The following ZBTB40 variants were observed in gnomAD, a reference collection of about 807,000 sequenced individuals.
The protein encoded by ZBTB40 is zinc finger and BTB domain containing 40.
Under a neutral mutation model 117.5 loss-of-function variants are expected in ZBTB40, and 60 were observed. The ratio of observed to expected loss-of-function variants is 0.51; its 90% confidence interval spans 0.41 to 0.63. The LOEUF (loss-of-function observed/expected upper bound fraction) is 0.63, where lower values mean the gene tolerates loss of function less well. Ranked by LOEUF, ZBTB40 falls within the 30% of genes least tolerant of loss-of-function variation. The pLI is 0.00. For synonymous variants in ZBTB40, 525 were observed against 577.1 expected, an observed-to-expected ratio of 0.91 and a Z score of 1.29; for missense variants, 1,287 against 1,498.5, an observed-to-expected ratio of 0.86 and a Z score of 2.33.
intron 1 of ZBTB40, among the ~76,000 whole-genome samples, chr1:22,457,118 G>A (rs1641021651): frequency 2.9e-5 from 2 of 69,888 alleles, no homozygotes; most frequent in South Asian, 7.3e-4. Context: ...TTGAGACCCT[G>A]TCTCTATTTT....
At chr1:22,444,431 A>G (rs1332854199) in intron 1 of ZBTB40, among the ~76,000 whole-genome samples, 2 of 152,060 alleles carry the variant, frequency 1.3e-5, no homozygotes, top group African/African-American at 4.8e-5. Flanking sequence ...AAATAAAATA[A>G]TAATTGGTCA....
At chr1:22,486,077 A>G (rs2124424473) in intron 1 of ZBTB40, among the ~76,000 whole-genome samples, 1 of 151,824 alleles carries the variant, frequency 6.6e-6, no homozygotes, top group South Asian at 2.1e-4. Flanking sequence ...GTCTCTCCAA[A>G]CTGTTTTTGG....
intron 1 of ZBTB40, among the ~76,000 whole-genome samples, chr1:22,472,228 G>T (rs1003695019): frequency 2.6e-5 from 4 of 151,548 alleles, no homozygotes; most frequent in African/African-American, 7.3e-5. Flanking sequence ...CCAGGCTGGA[G>T]TCTGGAGTAC....
chr1:22,433,383 A>C (rs1192643267), intron 1 of ZBTB40, among the ~76,000 whole-genome samples: 3 of 135,912 alleles, frequency 2.2e-5, no homozygotes, highest in Non-Finnish European at 4.7e-5. Context: ...CAGTGAGCCA[A>C]TATCGCACCA....
At chr1:22,437,454 T>C (rs909562016) in intron 1 of ZBTB40, among the ~76,000 whole-genome samples, 1 of 150,636 alleles carries the variant, frequency 6.6e-6, no homozygotes, top group Non-Finnish European at 1.5e-5. Context: ...GGAGTCTCAC[T>C]CTGTTGCCCA....
intron 1 of ZBTB40, among the ~76,000 whole-genome samples, chr1:22,482,807 C>CA (rs1183205397): frequency 6.6e-6 from 1 of 152,172 alleles, no homozygotes; most frequent in African/African-American, 2.4e-5. Flanking sequence ...TGCGGTGGCT[C>CA]ACGCCTGTAA....
At chr1:22,491,110 T>C (rs1271799935) in intron 2 of ZBTB40, among the ~76,000 whole-genome samples, 1 of 152,200 alleles carries the variant, frequency 6.6e-6, no homozygotes, top group Non-Finnish European at 1.5e-5. Flanking sequence ...TTGGCCAGGC[T>C]GGTCTCGAAT....
chr1:22,503,837 G>A (rs1331036283), intron 5 of ZBTB40, among the ~76,000 whole-genome samples: 1 of 152,092 alleles, frequency 6.6e-6, no homozygotes, highest in Non-Finnish European at 1.5e-5. Context: ...TCCCTCTTTA[G>A]TGATTTCATT....
intron 3 of ZBTB40, among the ~76,000 whole-genome samples, chr1:22,497,242 G>A (rs1338702630): frequency 6.6e-6 from 1 of 152,278 alleles, no homozygotes; most frequent in East Asian, 1.9e-4. Context: ...AAATCTAGAA[G>A]ACTCCCAAAG....
At chr1:22,522,289 C>A in intron 15 of ZBTB40, 88 bp from the exon 16 acceptor site, 2 of 1,268,842 alleles carry the variant, frequency 1.6e-6, no homozygotes, top group Non-Finnish European at 2.3e-6. Flanking sequence ...TATTGGCCAT[C>A]GCCCCAACCC....
intron 1 of ZBTB40, among the ~76,000 whole-genome samples, chr1:22,483,078 CAA>C (rs35793167): frequency 1.1e-4 from 14 of 129,058 alleles, no homozygotes; most frequent in Non-Finnish European, 1.0e-4. Context: ...GACTCCGTCT[CAA>C]AAAAAAAAAA....
chr1:22,529,699 C>T lies in ZBTB40; in HGVS notation c.*3303C>T, dbSNP rs1437974247. 6.6e-6 allele frequency: 1 copy of T among 152,222 alleles called. No homozygotes were observed. The highest frequency in any genetic ancestry group is 2.4e-5 in the African/African-American group (1 of 41,414). 9.4% of individuals were successfully genotyped at this position (152,222 alleles called of 1,614,324 possible). On this transcript the variant is annotated 3_prime_UTR_variant, in exon 18 of 18. Transcript: ENST00000375647. ...TCTCAGAAGCTCTGTGTTTGGGAAACTTTGAGCCCAGTGAGTAGCAGGGTC... is the reference window on the plus strand; with the variant it reads ...TCTCAGAAGCTCTGTGTTTGGGAAATTTTGAGCCCAGTGAGTAGCAGGGTC...
intron 13 of ZBTB40, 101 bp downstream of exon 13, chr1:22,517,565 T>G: frequency 7.2e-7 from 1 of 1,392,604 alleles, no homozygotes; most frequent in Non-Finnish European, 9.7e-7. Flanking sequence ...CCAAGCTCCA[T>G]TCAGTGCATT....
At chr1:22,476,045 G>T (rs925280722) in intron 1 of ZBTB40, among the ~76,000 whole-genome samples, 2 of 152,186 alleles carry the variant, frequency 1.3e-5, no homozygotes, top group African/African-American at 4.8e-5. Flanking sequence ...GCCAGCAATT[G>T]CGGATTACAG....
chr1:22,486,442 TA>T (rs1638467566), intron 1 of ZBTB40, among the ~76,000 whole-genome samples: 1 of 152,230 alleles, frequency 6.6e-6, no homozygotes, highest in Non-Finnish European at 1.5e-5. Context: ...CAGGCCTTGT[TA>T]AAAACAGAGT....
At chr1:22,516,442 C>G (rs72651318) in intron 12 of ZBTB40, among the ~76,000 whole-genome samples, 51 of 145,148 alleles carry the variant, frequency 3.5e-4, no homozygotes, top group Non-Finnish European at 5.2e-4. Flanking sequence ...GCATCCATTA[C>G]AGATGGTGTA....
rs1639161666 is a variant in ZBTB40 at position 22,509,179 on chromosome 1, T to G, written c.1779T>G (p.Ile593Met). Residue 593 changes from isoleucine to methionine, a missense_variant, in exon 9 of 18, where the codon ATT becomes ATG. By Grantham distance (10) the Ile-to-Met change is conservative. Around this residue, in one of 2 missense-constraint regions of ZBTB40, gnomAD observed 870 missense variants for 934.4 expected, o/e 0.93. Coordinates refer to ENST00000375647, the MANE Select transcript of ZBTB40 (RefSeq NM_014870.4). ...QLILEAIQQK[I>M]EYKLFTSEEE... ...TCTTGGAGGCCATCCAACAGAAGAT[T>G]GAGTACAAGCTCTTTACCTCGGAGG... 6.2e-7 allele frequency: 1 copy of G among 1,613,950 alleles called. No individual in the cohort carries two copies. Among genetic ancestry groups the G allele is most frequent in the African/African-American group, 1.3e-5 (1 of 74,900 alleles).
Position 22,524,289 on chromosome 1 carries a change from A to G in ZBTB40, c.3370A>G (p.Thr1124Ala). 1.9e-6 allele frequency: 3 copies of G among 1,614,082 alleles called. No homozygotes were observed. Among genetic ancestry groups the G allele is most frequent in the Non-Finnish European group, 2.5e-6 (3 of 1,180,022 alleles). Residue 1124 changes from threonine to alanine, a missense_variant, in exon 17 of 18, where the codon ACC (threonine) becomes GCC (alanine). By Grantham distance (58) the Thr-to-Ala change is moderately conservative. This residue lies in a region of ZBTB40 where 417 missense variants were observed against 564.1 expected (regional missense o/e 0.74). Transcript: ENST00000375647. ...RFPGALQHHV[T>A]TEHFKQSETT... is the part of the protein sequence containing the mutation. ...TCCTGGAGCATTGCAGCACCATGTC[A>G]CCACGGAGCACTTCAAGCAGTCAGA...
At chr1:22,472,584 A>G (rs1007203877) in intron 1 of ZBTB40, among the ~76,000 whole-genome samples, 1 of 152,220 alleles carries the variant, frequency 6.6e-6, no homozygotes, top group Non-Finnish European at 1.5e-5. Context: ...GTAGGAGGCT[A>G]TGGGAGAGAA....
Sources: allele counts gnomAD v4.1 joint callset (sites outside exome capture counted in the v4.1 genomes callset), GRCh38; gene constraint gnomAD v4.1.1; regional missense constraint gnomAD v4.1.1; transcripts MANE v1.5; gene names NCBI Gene and HGNC (gene_info 2026-07-23, HGNC 2026-07-21).